The following STK33 variants were observed in gnomAD, a reference collection of about 807,000 sequenced individuals.
The protein encoded by STK33 is serine/threonine kinase 33, also known as serine/threonine-protein kinase 33.
A neutral mutation model predicts 58.0 loss-of-function variants in STK33; 52 were observed. The ratio of observed to expected loss-of-function variants is 0.90; its 90% CI spans 0.72 to 1.13. The LOEUF (loss-of-function observed/expected upper bound fraction) is 1.13. Among genes scored for constraint, STK33 ranks in the 50% most tolerant of loss-of-function variants. STK33 has a pLI of 0.00. For missense variants in STK33, 630 were observed against 604.2 expected (o/e 1.04, Z -0.45); for synonymous variants, 215 against 200.1 (o/e 1.07, Z -0.63).
the STK33 span, among the ~76,000 whole-genome samples, chr11:8,344,826 C>G: frequency 6.6e-6 from 1 of 152,148 alleles, no homozygotes; most frequent in African/African-American, 2.4e-5. Context: ...CTCCTGGAGC[C>G]CAGGGCTGTG....
At chr11:8,555,948 G>T (rs1311503345) in intron 1 of STK33, among the ~76,000 whole-genome samples, 1 of 152,170 alleles carries the variant, frequency 6.6e-6, no homozygotes, top group Admixed American at 6.5e-5. Flanking sequence ...TCCAGCTAGG[G>T]TGATCAGAGA....
At chr11:8,499,554 A>G (rs1052590497) in intron 1 of STK33, among the ~76,000 whole-genome samples, 1 of 152,228 alleles carries the variant, frequency 6.6e-6, no homozygotes, top group Non-Finnish European at 1.5e-5. Flanking sequence ...CATTTGACCC[A>G]GCAATCCCAT....
Position 8,435,545 on chromosome 11 carries a change from A to T in STK33, c.1095T>A (p.Asp365Glu). The T allele has an allele frequency of 6.6e-7, 1 of 1,515,512 alleles. No homozygotes were observed. The highest frequency in any genetic ancestry group is 8.9e-7 in the Non-Finnish European group (1 of 1,123,188). The allele number at this position is 1,515,512 out of a possible 1,614,324, so 93.9% of individuals were successfully genotyped here. A position where few individuals can be genotyped will look rare whatever the true frequency, so the allele number is the denominator to read the frequency against. ...KSVLKQLMKV[D>E]PAHRITAKEL... ...CCTTAGCTGTGATTCTGTGAGCAGG[A>T]TCTACTTTCATAAGTTGTTTCAAAA... The change falls in exon 14 of 16, where the codon GAT (aspartate) becomes GAA (glutamate). Residue 365 changes from aspartate to glutamate, a missense_variant. By Grantham distance (45) the Asp-to-Glu change is conservative (BLOSUM62 2). Coordinates refer to ENST00000687296, the MANE Select transcript of STK33 (RefSeq NM_001352389.2).
chr11:8,554,319 T>C (rs893650000), intron 1 of STK33, among the ~76,000 whole-genome samples: 2 of 149,546 alleles, frequency 1.3e-5, no homozygotes, highest in Non-Finnish European at 3.0e-5. Context: ...CTGGGGAGGC[T>C]GAGGCAGGAG....
At chr11:8,337,903 A>G in the STK33 span, among the ~76,000 whole-genome samples, 1 of 152,182 alleles carries the variant, frequency 6.6e-6, no homozygotes, top group African/African-American at 2.4e-5. Flanking sequence ...TCTCAGGGAA[A>G]CTTTCTTGAG....
At chr11:8,551,275 G>A (rs542627265) in intron 1 of STK33, among the ~76,000 whole-genome samples, 1 of 152,036 alleles carries the variant, frequency 6.6e-6, no homozygotes, top group South Asian at 2.1e-4. Context: ...AACTATAGGT[G>A]CCTACCACCA....
chr11:8,543,075 G>C (rs1955647319), intron 1 of STK33, among the ~76,000 whole-genome samples: 1 of 152,066 alleles, frequency 6.6e-6, no homozygotes. Context: ...TGCAGACTCT[G>C]TTTTGTTCTC....
intron 1 of STK33, among the ~76,000 whole-genome samples, chr11:8,492,372 G>A (rs910328578): frequency 7.9e-5 from 12 of 152,056 alleles, no homozygotes; most frequent in African/African-American, 1.9e-4. Flanking sequence ...AATGGTAAAG[G>A]GATCAATTCA....
intron 1 of STK33, among the ~76,000 whole-genome samples, chr11:8,526,492 A>G (rs886819350): frequency 6.6e-6 from 1 of 152,190 alleles, no homozygotes; most frequent in South Asian, 2.1e-4. Context: ...TTATAACTCA[A>G]AAATTTCTCT....
chr11:8,351,596 G>A, the STK33 span, among the ~76,000 whole-genome samples: 2 of 152,228 alleles, frequency 1.3e-5, no homozygotes, highest in Non-Finnish European at 2.9e-5. Flanking sequence ...AAGCACAAGA[G>A]GCTGATTCCA....
chr11:8,558,709 T>C (rs939727241), intron 1 of STK33, among the ~76,000 whole-genome samples: 1 of 152,222 alleles, frequency 6.6e-6, no homozygotes, highest in South Asian at 2.1e-4. Context: ...TGTGTGTTCC[T>C]GCTGGGCTCG....
intron 1 of STK33, among the ~76,000 whole-genome samples, chr11:8,486,141 T>A (rs1388602230): frequency 6.6e-6 from 1 of 152,150 alleles, no homozygotes; most frequent in African/African-American, 2.4e-5. Flanking sequence ...CAAAGCTTTC[T>A]CCATACTCTA....
chr11:8,444,919 C>T (rs745460907), intron 11 of STK33, among the ~76,000 whole-genome samples: 15 of 151,988 alleles, frequency 9.9e-5, no homozygotes, highest in Non-Finnish European at 2.2e-4. Context: ...TTTTCCAATT[C>T]TGTGAAGAAA....
intron 1 of STK33, among the ~76,000 whole-genome samples, chr11:8,551,172 C>T (rs905114026): frequency 6.6e-6 from 1 of 152,018 alleles, no homozygotes. Context: ...TTCTATTACC[C>T]AGGCTGATGT....
intron 1 of STK33, among the ~76,000 whole-genome samples, chr11:8,497,252 C>CA (rs887327530): frequency 5.9e-5 from 9 of 151,868 alleles, no homozygotes; most frequent in Non-Finnish European, 1.0e-4. Flanking sequence ...CCAAGAAGCT[C>CA]AAAAAAACTC....
intron 1 of STK33, among the ~76,000 whole-genome samples, chr11:8,546,043 T>A (rs1020693743): frequency 6.6e-5 from 10 of 152,212 alleles, no homozygotes; most frequent in African/African-American, 1.7e-4. Flanking sequence ...TATTTGTGTA[T>A]CTAAACATAG....
chr11:8,506,491 G>C (rs568413964), intron 1 of STK33, among the ~76,000 whole-genome samples: 3 of 152,246 alleles, frequency 2.0e-5, no homozygotes, highest in African/African-American at 4.8e-5. Flanking sequence ...TGTCAGCGGG[G>C]CTGCATTCCT....
At chr11:8,424,025 A>C (rs1196228687) in intron 14 of STK33, among the ~76,000 whole-genome samples, 5 of 151,938 alleles carry the variant, frequency 3.3e-5, no homozygotes, top group Non-Finnish European at 5.9e-5. Context: ...TTTAGGGTAC[A>C]TGTGCACATT....
At chr11:8,453,243 A>T (rs1404531388) in intron 10 of STK33, among the ~76,000 whole-genome samples, 3 of 152,186 alleles carry the variant, frequency 2.0e-5, no homozygotes, top group South Asian at 2.1e-4. Flanking sequence ...TTTTGTTTTT[A>T]AAAAAAGTTC....
Sources: gnomAD v4.1 joint callset for allele counts (sites outside exome capture counted in the v4.1 genomes callset) on GRCh38, gnomAD v4.1.1 for gene constraint, MANE v1.5 for transcripts, NCBI Gene and HGNC (gene_info 2026-07-23, HGNC 2026-07-21) for gene names.